AGPAT1: variants seen among roughly 807,000 people sequenced by gnomAD.
AGPAT1 encodes the protein 1-acylglycerol-3-phosphate O-acyltransferase 1, also known as 1-acyl-sn-glycerol-3-phosphate acyltransferase alpha.
AGPAT1 carries 6 observed loss-of-function variants against 31.2 expected under a neutral mutation model. The ratio of observed to expected loss-of-function variants is 0.19; its 90% CI spans 0.11 to 0.38. The LOEUF (loss-of-function observed/expected upper bound fraction) is 0.38. Among genes scored for constraint, AGPAT1 ranks in the 10% least tolerant of loss-of-function variants. The probability of loss-of-function intolerance (pLI) is 1.00; values close to 1 mark genes in which losing one functional copy is unlikely to be tolerated. For missense variants in AGPAT1, 187 were observed against 377.8 expected (o/e 0.49, Z 4.19); for synonymous variants, 139 against 154.0 (o/e 0.90, Z 0.72).
rs758406996 is a variant in AGPAT1, at chr6:32,174,054, C to A, written c.-10+1760G>T. The stretch of plus-strand genomic sequence containing the variant: ...CAAGCCCTCTGGTGAGTCTGATGTG[C>A]GCCTGAATTTAAGAACCACTGATCT... On this transcript the variant is annotated intron_variant, in intron 1 of 6. Coordinates refer to ENST00000375107, the MANE Select transcript of AGPAT1 (RefSeq NM_006411.4). This position sits in a 1 kb window ranked among gnomAD's most constrained non-coding sequence, Gnocchi z 4.5. 2.0e-5 allele frequency among the ~76,000 whole-genome samples: 3 copies of A among 152,110 alleles called. No individual in the cohort carries two copies. Among genetic ancestry groups the A allele is most frequent in the Non-Finnish European group, 2.9e-5 (2 of 68,020 alleles).
Position 32,175,686 on chromosome 6 carries a change from CCCCTCTCCTTTCCCCAGCAA to C in AGPAT1, c.-10+108_-10+127del. 1 of 341,552 alleles carries C rather than the reference CCCCTCTCCTTTCCCCAGCAA, an allele frequency of 2.9e-6. No homozygotes were observed. The highest frequency in any genetic ancestry group is 4.1e-6 in the Non-Finnish European group (1 of 241,028). 21.2% of individuals were successfully genotyped at this position (341,552 alleles called of 1,614,324 possible). On this transcript the variant is annotated intron_variant, in intron 1 of 6. Coordinates refer to ENST00000375107, the MANE Select transcript of AGPAT1 (RefSeq NM_006411.4). The surrounding 1 kb of genome is among the most constrained non-coding windows in gnomAD (Gnocchi z 4.5). The stretch of plus-strand genomic sequence containing the variant: ...CCCCAGCAACCCTCTTCCCAGTCGG[CCCCTCTCCTTTCCCCAGCAA>C]CCCTCTCCCCCAGTCGGCCCTCCCA...
At position 32,171,520 on chromosome 6, in the gene AGPAT1, G is replaced by C; in HGVS notation, c.-9-15C>G. The C allele has an allele frequency of 6.4e-7, 1 of 1,554,576 alleles. No individual in the cohort carries two copies. Among genetic ancestry groups the C allele is most frequent in the Admixed American group, 1.9e-5 (1 of 51,594 alleles). On this transcript the variant is annotated splice_polypyrimidine_tract_variant and intron_variant, in intron 1 of 6. Transcript: ENST00000375107. The surrounding 1 kb of genome is among the most constrained non-coding windows in gnomAD (Gnocchi z 6.9). Reference sequence around the variant, plus strand: ...ATTCTGGCCACCTGCAGGGGATGGGGCAAGGGACAATCAGCCTGGTTTCTG... The same window carrying C: ...ATTCTGGCCACCTGCAGGGGATGGGCCAAGGGACAATCAGCCTGGTTTCTG...
Position 32,169,934 on chromosome 6 carries a change from C to T in AGPAT1, c.679+32G>A, listed in dbSNP as rs1261283744. 1 of 1,592,138 alleles carries T rather than the reference C, an allele frequency of 6.3e-7. No homozygotes were observed. Among genetic ancestry groups the T allele is most frequent in the Admixed American group, 1.7e-5 (1 of 59,918 alleles). ...GATGTCCTCCCAGCCTCTCCGGACA[C>T]ACCCTACCCCAGAACTGCTCAAAGC... On this transcript the variant is annotated intron_variant, in intron 6 of 6. Transcript: ENST00000375107. This position sits in a 1 kb window ranked among gnomAD's most constrained non-coding sequence, Gnocchi z 5.9.
Position 32,176,028 on chromosome 6 carries a change from A to AG in AGPAT1, c.-225_-224insC. 13 of 847,208 alleles carry AG rather than the reference A, an allele frequency of 1.5e-5. No individual in the cohort carries two copies. Among genetic ancestry groups the AG allele is most frequent in the Non-Finnish European group, 1.7e-5 (12 of 705,682 alleles). 52.5% of individuals were successfully genotyped at this position (847,208 alleles called of 1,614,324 possible). A position where few individuals can be genotyped will look rare whatever the true frequency, so the allele number is the denominator to read the frequency against. On this transcript the variant is annotated 5_prime_UTR_variant, in exon 1 of 7. Transcript: ENST00000375107. ...AATGGTGGGGGGCTGTCCCCCCAGC[A>AG]CCCTCCCTCCCTCCCTTTCTGCTGT... is the stretch of plus-strand genomic sequence containing the variant.
Position 32,171,554 on chromosome 6 carries a change from T to A in AGPAT1, c.-9-49A>T. ...AATCAGCCTGGTTTCTGGAGGAGAG[T>A]GGGGTAGGCAAGGCACAGAAGGCAG... On this transcript the variant is annotated intron_variant, in intron 1 of 6. Coordinates refer to ENST00000375107, the MANE Select transcript of AGPAT1 (RefSeq NM_006411.4). The surrounding 1 kb of genome is among the most constrained non-coding windows in gnomAD (Gnocchi z 6.9). 6.5e-7 allele frequency: 1 copy of A among 1,534,736 alleles called. No individual in the cohort carries two copies. The highest frequency in any genetic ancestry group is 8.7e-7 in the Non-Finnish European group (1 of 1,145,506).
chr6:32,176,072 T>G lies in AGPAT1; in HGVS notation c.-268A>C, dbSNP rs1785524293. On this transcript the variant is annotated 5_prime_UTR_variant, in exon 1 of 7. Coordinates refer to ENST00000375107, the MANE Select transcript of AGPAT1 (RefSeq NM_006411.4). ...CTGCTGTCTCTCTGAGGGCTGGGGCTGCTGCCGCCGCTATTCCCCCGCCAC... is the reference window on the plus strand; with the variant it reads ...CTGCTGTCTCTCTGAGGGCTGGGGCGGCTGCCGCCGCTATTCCCCCGCCAC... The G allele has an allele frequency of 1.1e-6, 1 of 947,912 alleles. No individual in the cohort carries two copies. Among genetic ancestry groups the G allele is most frequent in the Non-Finnish European group, 1.2e-6 (1 of 800,134 alleles). 58.7% of individuals were successfully genotyped at this position (947,912 alleles called of 1,614,324 possible). A position where few individuals can be genotyped will look rare whatever the true frequency, so the allele number is the denominator to read the frequency against.
Position 32,169,398 on chromosome 6 carries a change from G to A in AGPAT1, c.730C>T (p.Pro244Ser). 3.7e-6 allele frequency: 6 copies of A among 1,612,810 alleles called. No homozygotes were observed. The highest frequency in any genetic ancestry group is 5.1e-6 in the Non-Finnish European group (6 of 1,179,972). The change falls in exon 7 of 7, where the codon CCA (proline) becomes TCA (serine). Residue 244 changes from proline (P) to serine (S), a missense_variant. Physicochemically the swap from Pro to Ser is moderately conservative, Grantham distance 74. Coordinates refer to ENST00000375107, the MANE Select transcript of AGPAT1 (RefSeq NM_006411.4). The surrounding 1 kb of genome is among the most constrained non-coding windows in gnomAD (Gnocchi z 5.9). ...TCAGCCAGAGCTGGGACGTCATCTGGTGTCAGCCCTTCCGTGGGCACTGGG... is the reference window on the plus strand; with the variant it reads ...TCAGCCAGAGCTGGGACGTCATCTGATGTCAGCCCTTCCGTGGGCACTGGG... ...LPPVPTEGLT[P>S]DDVPALADRV...
rs1785161224 is a variant in AGPAT1, at chr6:32,172,157, C to T, written c.-9-652G>A. The stretch of plus-strand genomic sequence containing the variant: ...TGAAACCCCGTCTCTACTAAAAATA[C>T]AAAAATTAGCCGGGCCTGTTGGCGC... On this transcript the variant is annotated intron_variant, in intron 1 of 6. Transcript: ENST00000375107. This position sits in a 1 kb window ranked among gnomAD's most constrained non-coding sequence, Gnocchi z 4.3. 6.6e-6 allele frequency among the ~76,000 whole-genome samples: 1 copy of T among 152,104 alleles called. No homozygotes were observed. Among genetic ancestry groups the T allele is most frequent in the South Asian group, 2.1e-4 (1 of 4,822 alleles).
upstream of AGPAT1, chr6:32,176,182 G>T (rs910965054): frequency 1.0e-6 from 1 of 980,384 alleles, no homozygotes; most frequent in Non-Finnish European, 1.2e-6. Context: ...TCGTCTCCCA[G>T]AAACTCTGGC....
At position 32,176,018 on chromosome 6, in the gene AGPAT1, T is replaced by C; in HGVS notation, c.-214A>G. 1.0e-6 allele frequency: 1 copy of C among 983,812 alleles called. No individual in the cohort carries two copies. Among genetic ancestry groups the C allele is most frequent in the Non-Finnish European group, 1.2e-6 (1 of 828,988 alleles). The allele number at this position is 983,812 out of a possible 1,614,324, so 60.9% of individuals were successfully genotyped here. ...TAGCGGTAGGAATGGTGGGGGGCTGTCCCCCCAGCACCCTCCCTCCCTCCC... is the reference window on the plus strand; with the variant it reads ...TAGCGGTAGGAATGGTGGGGGGCTGCCCCCCCAGCACCCTCCCTCCCTCCC... On this transcript the variant is annotated 5_prime_UTR_variant, in exon 1 of 7. Coordinates refer to ENST00000375107, the MANE Select transcript of AGPAT1 (RefSeq NM_006411.4).
chr6:32,176,082 G>A lies in AGPAT1; in HGVS notation c.-278C>T. 2.0e-6 allele frequency: 2 copies of A among 976,666 alleles called. No homozygotes were observed. The highest frequency in any genetic ancestry group is 2.4e-6 in the Non-Finnish European group (2 of 826,868). 60.5% of individuals were successfully genotyped at this position (976,666 alleles called of 1,614,324 possible). A position where few individuals can be genotyped will look rare whatever the true frequency, so the allele number is the denominator to read the frequency against. ...TCTGAGGGCTGGGGCTGCTGCCGCC[G>A]CTATTCCCCCGCCACCCCTCCCCAA... On this transcript the variant is annotated 5_prime_UTR_variant, in exon 1 of 7. Transcript: ENST00000375107.
rs762484753 is a variant in AGPAT1 at position 32,170,479 on chromosome 6, C to T, written c.456G>A (p.Thr152=). ...AGVIFIDRKR[T]GDAISVMSEV... is the part of the protein sequence containing the mutation. ...CAGACATGACACTGATGGCATCCCC[C>T]GTGCGCTTCCGGTCGATGAAGATGA... Residue 152 remains threonine, a synonymous_variant, in exon 4 of 7, where the codon ACG becomes ACA. Transcript: ENST00000375107. The surrounding 1 kb of genome is among the most constrained non-coding windows in gnomAD (Gnocchi z 7.7). 9 of 1,612,970 alleles carry T rather than the reference C, an allele frequency of 5.6e-6. No homozygotes were observed. Among genetic ancestry groups the T allele is most frequent in the Middle Eastern group, 1.6e-4 (1 of 6,084 alleles).
rs1561845339 is a variant in AGPAT1 at position 32,170,269 on chromosome 6, GAA to G, written c.511-11_511-10del. 1 of 1,611,590 alleles carries G rather than the reference GAA, an allele frequency of 6.2e-7. No individual in the cohort carries two copies. The highest frequency in any genetic ancestry group is 1.1e-5 in the South Asian group (1 of 90,764). On this transcript the variant is annotated splice_polypyrimidine_tract_variant and intron_variant, in intron 4 of 6. Coordinates refer to ENST00000375107, the MANE Select transcript of AGPAT1 (RefSeq NM_006411.4). This position sits in a 1 kb window ranked among gnomAD's most constrained non-coding sequence, Gnocchi z 7.7. The stretch of plus-strand genomic sequence containing the variant: ...AACACCCAGACCCTCACCTGGGGGA[GAA>G]AGAGGGTCAAAGAAGACAAATACAT...
In AGPAT1 at chr6:32,169,899, G is replaced by C. The variant is rs777440492; in HGVS notation, c.679+67C>G. 19 of 1,390,044 alleles carry C rather than the reference G, an allele frequency of 1.4e-5. No homozygotes were observed. Among genetic ancestry groups the C allele is most frequent in the Non-Finnish European group, 1.8e-5 (18 of 983,822 alleles). 86.1% of individuals were successfully genotyped at this position (1,390,044 alleles called of 1,614,324 possible). On this transcript the variant is annotated intron_variant, in intron 6 of 6. Transcript: ENST00000375107. The surrounding 1 kb of genome is among the most constrained non-coding windows in gnomAD (Gnocchi z 5.9). ...GGCTCTGACACTGAATGATCCCCCTGCCTCACAGGGATGTCCTCCCAGCCT... is the reference window on the plus strand; with the variant it reads ...GGCTCTGACACTGAATGATCCCCCTCCCTCACAGGGATGTCCTCCCAGCCT...
chr6:32,171,094 C>A lies in AGPAT1; in HGVS notation c.201-24G>T. The A allele has an allele frequency of 6.2e-7, 1 of 1,604,974 alleles. No homozygotes were observed. Among genetic ancestry groups the A allele is most frequent in the Non-Finnish European group, 8.5e-7 (1 of 1,174,102 alleles). On this transcript the variant is annotated intron_variant, in intron 2 of 6. Coordinates refer to ENST00000375107, the MANE Select transcript of AGPAT1 (RefSeq NM_006411.4). This position sits in a 1 kb window ranked among gnomAD's most constrained non-coding sequence, Gnocchi z 6.9. ...TCCTGTGGGGTCATGGCAAGGGGTC[C>A]CAGTGGGATCCATTGATGTCCATCT...
Position 32,169,189 on chromosome 6 carries a change from G to GGGTTT in AGPAT1, c.*82_*86dup. 1.4e-6 allele frequency: 2 copies of GGGTTT among 1,390,496 alleles called. No homozygotes were observed. Among genetic ancestry groups the GGGTTT allele is most frequent in the Non-Finnish European group, 2.0e-6 (2 of 1,000,632 alleles). 86.1% of individuals were successfully genotyped at this position (1,390,496 alleles called of 1,614,324 possible). A position where few individuals can be genotyped will look rare whatever the true frequency, so the allele number is the denominator to read the frequency against. On this transcript the variant is annotated 3_prime_UTR_variant, in exon 7 of 7. Transcript: ENST00000375107. The surrounding 1 kb of genome is among the most constrained non-coding windows in gnomAD (Gnocchi z 5.9). ...GTGGGGAGAGGGGAGACAAGGAAGA[G>GGGTTT]GGTTTGGCCCTGCTTCAGGGCCCAC...
In AGPAT1 at chr6:32,170,819, C is replaced by T. The variant is rs184809216; in HGVS notation, c.334+118G>A. 4,777 of 1,377,626 alleles carry T rather than the reference C, an allele frequency of 3.5e-3. 107 individuals carry two copies. The highest frequency in any genetic ancestry group is 0.02 in the South Asian group (1,565 of 78,036). 85.3% of individuals were successfully genotyped at this position (1,377,626 alleles called of 1,614,324 possible). On this transcript the variant is annotated intron_variant, in intron 3 of 6. Coordinates refer to ENST00000375107, the MANE Select transcript of AGPAT1 (RefSeq NM_006411.4). The surrounding 1 kb of genome is among the most constrained non-coding windows in gnomAD (Gnocchi z 7.7). ...AGGGAATGAAGGCCTGAGTGGGAGGCAAGGGGGCAATGTCCCAGAGGAAGG... is the reference window on the plus strand; with the variant it reads ...AGGGAATGAAGGCCTGAGTGGGAGGTAAGGGGGCAATGTCCCAGAGGAAGG...
Position 32,170,440 on chromosome 6 carries a change from G to A in AGPAT1, c.495C>T (p.Thr165=). 1 of 1,613,324 alleles carries A rather than the reference G, an allele frequency of 6.2e-7. No individual in the cohort carries two copies. The highest frequency in any genetic ancestry group is 8.5e-7 in the Non-Finnish European group (1 of 1,180,042). ...AISVMSEVAQ[T]LLTQDVRVWV... The stretch of plus-strand genomic sequence containing the variant: ...GATGACTCACGTCCTGGGTGAGCAG[G>A]GTCTGGGCGACCTCAGACATGACAC... Residue 165 remains threonine (T), a synonymous_variant, in exon 4 of 7, where the codon ACC becomes ACT. Coordinates refer to ENST00000375107, the MANE Select transcript of AGPAT1 (RefSeq NM_006411.4). The surrounding 1 kb of genome is among the most constrained non-coding windows in gnomAD (Gnocchi z 7.7).
At position 32,169,895 on chromosome 6, in the gene AGPAT1, C is replaced by T. The variant is rs1370246842; in HGVS notation, c.679+71G>A. 1.5e-5 allele frequency: 20 copies of T among 1,365,554 alleles called. No individual in the cohort carries two copies. The highest frequency in any genetic ancestry group is 9.6e-5 in the South Asian group (8 of 83,636). 84.6% of individuals were successfully genotyped at this position (1,365,554 alleles called of 1,614,324 possible). ...TCATGGCTCTGACACTGAATGATCCCCCTGCCTCACAGGGATGTCCTCCCA... is the reference window on the plus strand; with the variant it reads ...TCATGGCTCTGACACTGAATGATCCTCCTGCCTCACAGGGATGTCCTCCCA... On this transcript the variant is annotated intron_variant, in intron 6 of 6. Coordinates refer to ENST00000375107, the MANE Select transcript of AGPAT1 (RefSeq NM_006411.4). The surrounding 1 kb of genome is among the most constrained non-coding windows in gnomAD (Gnocchi z 5.9).
Sources: gnomAD v4.1 joint callset for allele counts (sites outside exome capture counted in the v4.1 genomes callset) on GRCh38, gnomAD v4.1.1 for gene constraint, Gnocchi (gnomAD v3.1) non-coding constraint, MANE v1.5 for transcripts, NCBI Gene and HGNC (gene_info 2026-07-23, HGNC 2026-07-21) for gene names.